PTPRD: variants seen among roughly 807,000 people sequenced by gnomAD.
PTPRD encodes receptor-type tyrosine-protein phosphatase delta.
Under a neutral mutation model 214.5 loss-of-function variants are expected in PTPRD, and 34 were observed. That is an observed-to-expected ratio of 0.16 (90% CI 0.12 to 0.21). The LOEUF (loss-of-function observed/expected upper bound fraction) is 0.21. PTPRD is among the 10% of genes least tolerant of loss of function. The probability of loss-of-function intolerance (pLI) is 1.00; values close to 1 mark genes in which losing one functional copy is unlikely to be tolerated. For synonymous variants in PTPRD, 1,128 were observed against 845.7 expected, an observed-to-expected ratio of 1.33 and a Z score of -5.79; for missense variants, 2,545 against 2,398.7, an observed-to-expected ratio of 1.06 and a Z score of -1.27.
At chr9:9,487,237 T>C (rs1025773361) in intron 8 of PTPRD, among the ~76,000 whole-genome samples, 1 of 135,098 alleles carries the variant, frequency 7.4e-6, no homozygotes, top group Non-Finnish European at 1.6e-5. Context: ...CAGTCCCCGG[T>C]GTGTGATGTT....
In PTPRD at chr9:10,127,240, G is replaced by A. The variant is rs140930289; in HGVS notation, c.-544-93450C>T. ...CTGACACAAACGGTGCCAGAGTACT[G>A]GCACACAAGACCAATGTCCTGAGTA... On this transcript the variant is annotated intron_variant, in intron 3 of 45. Transcript: ENST00000381196. 2.5e-4 allele frequency among the ~76,000 whole-genome samples: 38 copies of A among 152,182 alleles called. No individual in the cohort carries two copies. The East Asian group carries it at 5.4e-3, about 22-fold the overall frequency.
intron 10 of PTPRD, among the ~76,000 whole-genome samples, chr9:9,054,754 G>A (rs905790434): frequency 6.6e-6 from 1 of 152,096 alleles, no homozygotes; most frequent in Non-Finnish European, 1.5e-5. Context: ...TTGGTAACTC[G>A]AAGGCAAACA....
At position 8,436,602 on chromosome 9, in the gene PTPRD, T is replaced by C. The variant is rs2095360393; in HGVS notation, c.4076A>G (p.Gln1359Arg). The change falls in exon 35 of 46, where the codon CAG (glutamine) becomes CGG (arginine). Residue 1359 changes from glutamine to arginine, a missense_variant. Transcript: ENST00000381196. Reference sequence around the variant, plus strand: ...AACACAGTGAATTACCTCATATTCCTGGGAAAACTTCAAGTTGTCATTTGC... The same window carrying C: ...AACACAGTGAATTACCTCATATTCCCGGGAAAACTTCAAGTTGTCATTTGC... Reference protein sequence around the residue: ...LKANDNLKFSQEYESIDPGQQ... With the variant: ...LKANDNLKFSREYESIDPGQQ... 2 of 1,611,122 alleles carry C rather than the reference T, an allele frequency of 1.2e-6. No individual in the cohort carries two copies. The highest frequency in any genetic ancestry group is 8.5e-7 in the Non-Finnish European group (1 of 1,177,630).
At chr9:10,016,809 C>T (rs1588990901) in intron 4 of PTPRD, among the ~76,000 whole-genome samples, 1 of 152,116 alleles carries the variant, frequency 6.6e-6, no homozygotes, top group East Asian at 1.9e-4. Flanking sequence ...GGACTACATG[C>T]ATGCACCATC....
chr9:10,592,092 C>G (rs2075596392), intron 2 of PTPRD, among the ~76,000 whole-genome samples: 2 of 152,094 alleles, frequency 1.3e-5, no homozygotes, highest in South Asian at 4.1e-4. Flanking sequence ...TAGAACAAAA[C>G]ACAGAAACTC....
chr9:9,381,155 A>C (rs1406201917), intron 9 of PTPRD, among the ~76,000 whole-genome samples: 1 of 151,974 alleles, frequency 6.6e-6, no homozygotes, highest in African/African-American at 2.4e-5. Flanking sequence ...TCTGTCTTTT[A>C]ATTTGTGCAC....
At position 8,518,074 on chromosome 9, in the gene PTPRD, C is replaced by T; in HGVS notation, c.1317G>A (p.Lys439=). ...TCTGTCCATTTGGCTCTTCAGGTTCCTTCCACTGTACCAAAATGGTGGTCG... is the reference window on the plus strand; with the variant it reads ...TCTGTCCATTTGGCTCTTCAGGTTCTTTCCACTGTACCAAAATGGTGGTCG... ...LSSTTILVQW[K]EPEEPNGQIQ... Residue 439 remains lysine, a synonymous_variant, in exon 21 of 46, where the codon AAG becomes AAA. Coordinates refer to ENST00000381196, the MANE Select transcript of PTPRD (RefSeq NM_002839.4). 6.2e-7 allele frequency: 1 copy of T among 1,614,144 alleles called. No individual in the cohort carries two copies. The highest frequency in any genetic ancestry group is 8.5e-7 in the Non-Finnish European group (1 of 1,180,028).
intron 3 of PTPRD, among the ~76,000 whole-genome samples, chr9:10,230,436 GTATCTATCTATC>G (rs59835845): frequency 2.3e-4 from 33 of 140,738 alleles, no homozygotes; most frequent in Non-Finnish European, 3.2e-4. Flanking sequence ...ATGTATCTAT[GTATCTATCTATC>G]TATCTATCTA....
At chr9:9,742,043 A>G (rs898850337) in intron 6 of PTPRD, among the ~76,000 whole-genome samples, 1 of 152,174 alleles carries the variant, frequency 6.6e-6, no homozygotes, top group African/African-American at 2.4e-5. Flanking sequence ...TGTCTTCAAC[A>G]ATGGTTGAAC....
chr9:9,119,526 AGATTCTGT>A (rs1412720393), intron 10 of PTPRD, among the ~76,000 whole-genome samples: 1 of 151,444 alleles, frequency 6.6e-6, no homozygotes, highest in Non-Finnish European at 1.5e-5. Context: ...CTACCAATTC[AGATTCTGT>A]GATTTTTTTT....
chr9:8,677,368 A>G (rs1336178492), intron 12 of PTPRD, among the ~76,000 whole-genome samples: 2 of 152,242 alleles, frequency 1.3e-5, no homozygotes, highest in East Asian at 3.8e-4. Flanking sequence ...TGTCCTTTGC[A>G]GTAACACAGA....
intron 8 of PTPRD, among the ~76,000 whole-genome samples, chr9:9,436,621 C>T (rs2085349583): frequency 6.6e-6 from 1 of 151,422 alleles, no homozygotes; most frequent in South Asian, 2.1e-4. Context: ...TACTCTTATA[C>T]AAAGGCATAT....
intron 7 of PTPRD, among the ~76,000 whole-genome samples, chr9:9,718,673 T>C (rs556861528): frequency 6.6e-6 from 1 of 152,338 alleles, no homozygotes; most frequent in Non-Finnish European, 1.5e-5. Context: ...TGTGGACATG[T>C]CCCAATAGCT....
intron 2 of PTPRD, among the ~76,000 whole-genome samples, chr9:10,425,976 CAT>C (rs1317538011): frequency 7.9e-5 from 12 of 151,850 alleles, no homozygotes. Context: ...CACACATACA[CAT>C]ATGAATATAT....
intron 43 of PTPRD, among the ~76,000 whole-genome samples, chr9:8,335,697 G>A (rs1298526165): frequency 1.3e-5 from 2 of 152,098 alleles, no homozygotes; most frequent in African/African-American, 2.4e-5. Context: ...AAGAGGAAGT[G>A]AAATTGTCTC....
Position 9,624,279 on chromosome 9 carries a change from TTG to T in PTPRD, c.-286-49500_-286-49499del, listed in dbSNP as rs202195936. Among the ~76,000 whole-genome samples, 512 of 148,256 alleles carry T rather than the reference TTG, an allele frequency of 3.5e-3. 1 individual carries two copies. The highest frequency in any genetic ancestry group is 7.8e-3 in the African/African-American group (313 of 40,266). ...TGTATTTCAGTAGCTAGTTTTTTTT[TTG>T]TTTGTTTGTTTGTTTGTTTTTGACA... On this transcript the variant is annotated intron_variant, in intron 7 of 45. Transcript: ENST00000381196.
chr9:9,523,273 C>T (rs886752699), intron 8 of PTPRD, among the ~76,000 whole-genome samples: 14 of 152,162 alleles, frequency 9.2e-5, no homozygotes, highest in African/African-American at 3.1e-4. Context: ...TTTACTATCC[C>T]TTGACTGATA....
At chr9:8,584,140 T>G (rs995638975) in intron 14 of PTPRD, among the ~76,000 whole-genome samples, 1 of 151,986 alleles carries the variant, frequency 6.6e-6, no homozygotes, top group African/African-American at 2.4e-5. Flanking sequence ...CACAACAGAG[T>G]GAGATCCTGT....
intron 5 of PTPRD, among the ~76,000 whole-genome samples, chr9:9,836,075 T>C (rs1165662602): frequency 1.3e-5 from 2 of 151,758 alleles, no homozygotes; most frequent in Admixed American, 6.6e-5. Context: ...GAAGAGATGA[T>C]GGCCTAAAGC....
Sources: allele counts gnomAD v4.1 joint callset (sites outside exome capture counted in the v4.1 genomes callset), GRCh38; gene constraint gnomAD v4.1.1; transcripts MANE v1.5; gene names NCBI Gene and HGNC (gene_info 2026-07-23, HGNC 2026-07-21).